Variants in CHIC2 observed in about 807,000 individuals in gnomAD.
CHIC2 encodes cysteine-rich hydrophobic domain-containing protein 2.
CHIC2 carries 14 observed loss-of-function variants against 25.9 expected under a neutral mutation model. That is an observed-to-expected ratio of 0.54 (90% CI 0.36 to 0.85). CHIC2 has a LOEUF of 0.85. Among genes scored for constraint, CHIC2 ranks in the 40% least tolerant of loss-of-function variants. The probability of loss-of-function intolerance (pLI) is 0.01; values close to 1 mark genes in which losing one functional copy is unlikely to be tolerated. For missense variants in CHIC2, 146 were observed against 202.0 expected, an observed-to-expected ratio of 0.72 and a Z score of 1.68; for synonymous variants, 70 against 72.0, an observed-to-expected ratio of 0.97 and a Z score of 0.14.
intron 1 of CHIC2, among the ~76,000 whole-genome samples, chr4:54,058,244 G>A (rs1717231938): frequency 6.6e-6 from 1 of 152,086 alleles, no homozygotes; most frequent in South Asian, 2.1e-4. Context: ...ATAATTTATT[G>A]AATGCCTATT....
chr4:54,063,139 C>T (rs1181958955), intron 1 of CHIC2, among the ~76,000 whole-genome samples: 1 of 152,208 alleles, frequency 6.6e-6, no homozygotes, highest in Non-Finnish European at 1.5e-5. Context: ...TTATTCACAG[C>T]ACATCCCACT....
chr4:54,083,511 A>G, the CHIC2 span, among the ~76,000 whole-genome samples: 5 of 152,332 alleles, frequency 3.3e-5, no homozygotes, highest in African/African-American at 1.2e-4. Context: ...TGTAACCACT[A>G]TATTTGTTAA....
the CHIC2 span, among the ~76,000 whole-genome samples, chr4:54,072,986 T>C: frequency 1.3e-5 from 2 of 151,822 alleles, no homozygotes; most frequent in Non-Finnish European, 2.9e-5. Flanking sequence ...GAGAATGGCA[T>C]GAACCCAGGA....
upstream of CHIC2, among the ~76,000 whole-genome samples, chr4:54,067,924 C>CG (rs970557222): frequency 2.0e-5 from 3 of 150,604 alleles, no homozygotes; most frequent in Admixed American, 6.6e-5. Flanking sequence ...TTTTGTCCCC[C>CG]CCCCCAAATT....
chr4:54,013,970 C>CGGGCA (rs1249891118), intron 4 of CHIC2, 74 bp from the exon 5 acceptor site: 21 of 1,594,812 alleles, frequency 1.3e-5, no homozygotes, highest in Middle Eastern at 3.3e-4. Context: ...CCCATTTGTC[C>CGGGCA]ACCTTTCATA....
At chr4:54,018,649 T>C (rs922260653) in intron 3 of CHIC2, among the ~76,000 whole-genome samples, 1 of 151,962 alleles carries the variant, frequency 6.6e-6, no homozygotes, top group Non-Finnish European at 1.5e-5. Context: ...AGAAAAAAAA[T>C]GTTAAGTGTA....
rs530738407 is a variant in CHIC2, at chr4:54,021,624, G to A, written c.331-7505C>T. 3.2e-4 allele frequency among the ~76,000 whole-genome samples: 48 copies of A among 152,236 alleles called. No individual in the cohort carries two copies. The South Asian group carries it at 9.7e-3, about 31-fold the overall frequency. On this transcript the variant is annotated intron_variant, in intron 3 of 5. Coordinates refer to ENST00000263921, the MANE Select transcript of CHIC2 (RefSeq NM_012110.4). ...TCTTAAAAAGGTGACTGGAGCTGAAGGCATAGTCAAGGTTAATGTTCCTTT... is the reference window on the plus strand; with the variant it reads ...TCTTAAAAAGGTGACTGGAGCTGAAAGCATAGTCAAGGTTAATGTTCCTTT...
chr4:54,051,295 C>T (rs1044451785), intron 1 of CHIC2, among the ~76,000 whole-genome samples: 1 of 152,082 alleles, frequency 6.6e-6, no homozygotes, highest in Non-Finnish European at 1.5e-5. Flanking sequence ...CTTGCCAACC[C>T]AGGTTCAATT....
At chr4:54,087,773 A>G in the CHIC2 span, 7 of 473,534 alleles carry the variant, frequency 1.5e-5, no homozygotes, top group Non-Finnish European at 2.7e-5. Flanking sequence ...AAGTACCACC[A>G]CAAAGCCCTG....
At chr4:54,055,145 A>T (rs183913373) in intron 1 of CHIC2, among the ~76,000 whole-genome samples, 194 of 152,160 alleles carry the variant, frequency 1.3e-3, no homozygotes, top group Middle Eastern at 3.4e-3. Flanking sequence ...ATATATATAT[A>T]TTTTTTGTAA....
intron 3 of CHIC2, among the ~76,000 whole-genome samples, chr4:54,025,096 AT>A (rs1716018431): frequency 7.4e-6 from 1 of 135,182 alleles, no homozygotes; most frequent in Non-Finnish European, 1.6e-5. Flanking sequence ...TATTTTTCTT[AT>A]TAATATAAGA....
At chr4:54,034,776 T>C (rs374599112) in intron 3 of CHIC2, among the ~76,000 whole-genome samples, 9 of 152,178 alleles carry the variant, frequency 5.9e-5, no homozygotes, top group South Asian at 2.1e-4. Context: ...CAGAATAACA[T>C]TGATTAGTAG....
intron 3 of CHIC2, 122 bp downstream of exon 3, chr4:54,048,833 G>T: frequency 2.5e-6 from 2 of 801,214 alleles, no homozygotes; most frequent in Non-Finnish European, 3.6e-6. Flanking sequence ...TCCTGGATCA[G>T]ATTATTTTCA....
chr4:54,087,239 C>G, the CHIC2 span: 1 of 616,298 alleles, frequency 1.6e-6, no homozygotes, highest in Non-Finnish European at 2.9e-6. Flanking sequence ...CTGGGCAGAC[C>G]TCACTGTTGA....
intron 1 of CHIC2, among the ~76,000 whole-genome samples, chr4:54,051,082 A>G (rs566756826): frequency 2.2e-4 from 33 of 152,088 alleles, no homozygotes; most frequent in Admixed American, 9.2e-4. Context: ...TGAACTGTAA[A>G]ATTCTTCTCT....
intron 1 of CHIC2, among the ~76,000 whole-genome samples, chr4:54,050,252 C>T (rs1392812754): frequency 6.6e-6 from 1 of 152,026 alleles, no homozygotes; most frequent in Non-Finnish European, 1.5e-5. Flanking sequence ...TCATGTAATA[C>T]ACTGTAAAGT....
rs1295375768 is a variant in CHIC2, at chr4:54,064,342, G to C, written c.-42C>G. On this transcript the variant is annotated 5_prime_UTR_variant, in exon 1 of 6. Transcript: ENST00000263921. This position sits in a 1 kb window ranked among gnomAD's most constrained non-coding sequence, Gnocchi z 4.2. Reference sequence around the variant, plus strand: ...CCCCTGCCCAAAGGGCCTGACTCCCGGGGTTGGCGCCGGGGTACCGGCGGG... The same window carrying C: ...CCCCTGCCCAAAGGGCCTGACTCCCCGGGTTGGCGCCGGGGTACCGGCGGG... 6 of 1,610,392 alleles carry C rather than the reference G, an allele frequency of 3.7e-6. No individual in the cohort carries two copies. The highest frequency in any genetic ancestry group is 5.1e-6 in the Non-Finnish European group (6 of 1,178,264).
chr4:54,088,590 A>G, the CHIC2 span, among the ~76,000 whole-genome samples: 1 of 152,172 alleles, frequency 6.6e-6, no homozygotes, highest in African/African-American at 2.4e-5. Flanking sequence ...CAGAGGGAGC[A>G]AGTAGGCCAG....
intron 3 of CHIC2, among the ~76,000 whole-genome samples, chr4:54,014,577 T>C (rs1421892925): frequency 6.6e-6 from 1 of 152,162 alleles, no homozygotes. Context: ...TAAAATCAAA[T>C]TAATTTTCAC....
Sources: allele counts gnomAD v4.1 joint callset (sites outside exome capture counted in the v4.1 genomes callset), GRCh38; gene constraint gnomAD v4.1.1; non-coding constraint Gnocchi (gnomAD v3.1); transcripts MANE v1.5; gene names NCBI Gene and HGNC (gene_info 2026-07-23, HGNC 2026-07-21).